Variants in NFIC observed in about 807,000 individuals in gnomAD.
NFIC encodes nuclear factor 1 C-type.
NFIC carries 12 observed loss-of-function variants against 54.4 expected under a neutral mutation model. That is an observed-to-expected ratio of 0.22 (90% CI 0.14 to 0.36). The LOEUF is 0.36. Among genes scored for constraint, NFIC ranks in the 10% least tolerant of loss-of-function variants. The pLI is 1.00. For synonymous variants in NFIC, 322 were observed against 319.2 expected (o/e 1.01, Z -0.09); for missense variants, 575 against 718.2 (o/e 0.80, Z 2.28).
At chr19:3,363,379 C>T (rs1159538269), upstream of NFIC, among the ~76,000 whole-genome samples, 3 of 150,004 alleles carry the variant, frequency 2.0e-5, no homozygotes, top group Non-Finnish European at 4.4e-5. Context: ...TCAAGCGAAC[C>T]TCCAGCCTCA....
At chr19:3,449,623 G>C (rs979070558) in intron 7 of NFIC, among the ~76,000 whole-genome samples, 1 of 151,754 alleles carries the variant, frequency 6.6e-6, no homozygotes, top group Non-Finnish European at 1.5e-5. Flanking sequence ...AGCCAGGCGT[G>C]GTGGCACGCA....
rs2082598746 is a variant in NFIC, at chr19:3,458,877, T to C, written c.1509+2242T>C. On this transcript the variant is annotated intron_variant, in intron 10 of 10. Transcript: ENST00000443272. This position sits in a 1 kb window ranked among gnomAD's most constrained non-coding sequence, Gnocchi z 4.1. Reference sequence around the variant, plus strand: ...TTGTCAAGAGGCTCTCAGGGGAGCATGGGTTAGGGGGAAGGCGAGGTCCCC... The same window carrying C: ...TTGTCAAGAGGCTCTCAGGGGAGCACGGGTTAGGGGGAAGGCGAGGTCCCC... Among the ~76,000 whole-genome samples, 1 of 151,802 alleles carries C rather than the reference T, an allele frequency of 6.6e-6. No individual in the cohort carries two copies. The highest frequency in any genetic ancestry group is 1.9e-4 in the East Asian group (1 of 5,160).
At chr19:3,429,326 C>G (rs1290808702) in intron 3 of NFIC, among the ~76,000 whole-genome samples, 2 of 148,106 alleles carry the variant, frequency 1.4e-5, no homozygotes, top group African/African-American at 2.5e-5. Context: ...TGCCTGTAAT[C>G]CCAGCTACTT....
intron 9 of NFIC, among the ~76,000 whole-genome samples, chr19:3,455,523 G>A (rs2082538886): frequency 6.7e-6 from 1 of 150,372 alleles, no homozygotes; most frequent in African/African-American, 2.5e-5. Context: ...GCAGGATACT[G>A]TGTAGGATCC....
intron 3 of NFIC, among the ~76,000 whole-genome samples, chr19:3,430,634 G>A (rs559837624): frequency 3.3e-5 from 5 of 152,138 alleles, no homozygotes; most frequent in South Asian, 4.2e-4. Flanking sequence ...TGTCTCTGTG[G>A]CTTGGCCTGT....
chr19:3,431,430 G>A (rs904965943), intron 3 of NFIC, among the ~76,000 whole-genome samples: 2 of 134,514 alleles, frequency 1.5e-5, no homozygotes, highest in African/African-American at 5.8e-5. Context: ...GTGCAGTGGT[G>A]CAATCATAGC....
In NFIC at chr19:3,452,388, G is replaced by T; in HGVS notation, c.1085-94G>T. 6.7e-7 allele frequency: 1 copy of T among 1,489,416 alleles called. No homozygotes were observed. The highest frequency in any genetic ancestry group is 9.1e-7 in the Non-Finnish European group (1 of 1,094,538). 92.3% of individuals were successfully genotyped at this position (1,489,416 alleles called of 1,614,324 possible). A position where few individuals can be genotyped will look rare whatever the true frequency, so the allele number is the denominator to read the frequency against. On this transcript the variant is annotated intron_variant, in intron 7 of 10. Transcript: ENST00000443272. The surrounding 1 kb of genome is among the most constrained non-coding windows in gnomAD (Gnocchi z 5.3). The stretch of plus-strand genomic sequence containing the variant: ...TTGTTACTAAACGCACTGAGATGCC[G>T]GCAGGAATGACACCCACAGACACAC...
intron 6 of NFIC, among the ~76,000 whole-genome samples, chr19:3,435,718 C>T (rs2082190394): frequency 1.3e-5 from 2 of 152,082 alleles, no homozygotes; most frequent in South Asian, 2.1e-4. Context: ...GACTCGTCTC[C>T]TTTCTGTAGG....
intron 6 of NFIC, among the ~76,000 whole-genome samples, chr19:3,437,626 A>C (rs1223940662): frequency 1.4e-5 from 2 of 138,230 alleles, no homozygotes; most frequent in African/African-American, 5.5e-5. Flanking sequence ...ACAGAACGAG[A>C]CTATGTCTCA....
chr19:3,423,364 A>G (rs926811305), intron 2 of NFIC, among the ~76,000 whole-genome samples: 3 of 152,140 alleles, frequency 2.0e-5, no homozygotes, highest in Non-Finnish European at 4.4e-5. Flanking sequence ...AAGATGAGAA[A>G]CAGGCTCAGG....
At position 3,453,441 on chromosome 19, in the gene NFIC, G is replaced by A. The variant is rs756299802; in HGVS notation, c.1270-322G>A. On this transcript the variant is annotated intron_variant, in intron 8 of 10. Transcript: ENST00000443272. The surrounding 1 kb of genome is among the most constrained non-coding windows in gnomAD (Gnocchi z 6.7). Reference sequence around the variant, plus strand: ...GCTCGCAGTGAATTAGGAAAAACGCGGAGAACCTGCTGTTAGGAGGCGGTG... The same window carrying A: ...GCTCGCAGTGAATTAGGAAAAACGCAGAGAACCTGCTGTTAGGAGGCGGTG... Among the ~76,000 whole-genome samples, 2 of 152,166 alleles carry A rather than the reference G, an allele frequency of 1.3e-5. No individual in the cohort carries two copies. The highest frequency in any genetic ancestry group is 4.8e-5 in the African/African-American group (2 of 41,442).
Position 3,429,253 on chromosome 19 carries a change from TACACACACAC to T in NFIC, c.634+4109_634+4118del, listed in dbSNP as rs57948823. On this transcript the variant is annotated intron_variant, in intron 3 of 10. Transcript: ENST00000443272. ...CCCCAAAAAAAAAAAAAAAAATATA[TACACACACAC>T]ACACACACACACACACACACACACA... 6.8e-3 allele frequency among the ~76,000 whole-genome samples: 346 copies of T among 50,806 alleles called. 27 individuals carry two copies. Among genetic ancestry groups the T allele is most frequent in the South Asian group, 0.041 (48 of 1,170 alleles). 33.3% of individuals were successfully genotyped at this position (50,806 alleles called of 152,430 possible).
rs1366049946 is a variant in NFIC, at chr19:3,411,409, C to G, written c.563-13697C>G. Among the ~76,000 whole-genome samples the G allele has an allele frequency of 2.8e-5, 4 of 143,090 alleles. No homozygotes were observed. The South Asian group carries it at 8.7e-4, about 31-fold the overall frequency. The allele number at this position is 143,090 out of a possible 152,430, so 93.9% of individuals were successfully genotyped here. ...GTGGCACGATCTCGGTTCACTGCAA[C>G]CTCTGTCTCCCGGGTTCAAGCAATT... On this transcript the variant is annotated intron_variant, in intron 2 of 10. Coordinates refer to ENST00000443272, the MANE Select transcript of NFIC (RefSeq NM_001245002.2).
intron 1 of NFIC, among the ~76,000 whole-genome samples, chr19:3,381,250 C>CG (rs2081201365): frequency 3.3e-5 from 5 of 151,984 alleles, no homozygotes; most frequent in Admixed American, 2.6e-4. Context: ...CAAAAATTAG[C>CG]TGGGCGTGGT....
chr19:3,423,773 G>A (rs1297283536), intron 2 of NFIC, among the ~76,000 whole-genome samples: 3 of 152,114 alleles, frequency 2.0e-5, no homozygotes, highest in African/African-American at 4.8e-5. Flanking sequence ...CAGTGGGGTC[G>A]TCGCCATCAG....
intron 10 of NFIC, 58 bp from the exon 11 acceptor site, chr19:3,462,694 C>G: frequency 6.3e-7 from 1 of 1,583,864 alleles, no homozygotes; most frequent in Non-Finnish European, 8.7e-7. Flanking sequence ...AGAGTCTGAC[C>G]CCTCGACTTC....
rs1319129274 is a variant in NFIC, at chr19:3,413,833, C to T, written c.563-11273C>T. On this transcript the variant is annotated intron_variant, in intron 2 of 10. Transcript: ENST00000443272. ...TGTATTTTTAGTAGAGACAGGGTTT[C>T]GCTATGTTGGCCAGGCTGGTCTCAA... Among the ~76,000 whole-genome samples, 12 of 151,980 alleles carry T rather than the reference C, an allele frequency of 7.9e-5. 1 individual carries two copies. The highest frequency in any genetic ancestry group is 5.9e-4 in the Admixed American group (9 of 15,230).
At chr19:3,366,798 C>A (rs1419800583) in intron 1 of NFIC, 132 bp downstream of exon 1, 2 of 581,314 alleles carry the variant, frequency 3.4e-6, no homozygotes, top group African/African-American at 2.0e-5. Flanking sequence ...GGATGCCCCC[C>A]GCGCCGAGGG....
At position 3,464,584 on chromosome 19, in the gene NFIC, T is replaced by C; in HGVS notation, c.*1815T>C. On this transcript the variant is annotated 3_prime_UTR_variant, in exon 11 of 11. Coordinates refer to ENST00000443272, the MANE Select transcript of NFIC (RefSeq NM_001245002.2). ...CCTAGGGAAAAACTCCCCCCACCACTGCCCCCTCCCCCGACCCAGGCCAAA... is the reference window on the plus strand; with the variant it reads ...CCTAGGGAAAAACTCCCCCCACCACCGCCCCCTCCCCCGACCCAGGCCAAA... 1 of 776,340 alleles carries C rather than the reference T, an allele frequency of 1.3e-6. No homozygotes were observed. The allele number at this position is 776,340 out of a possible 1,614,324, so 48.1% of individuals were successfully genotyped here.
Sources: allele counts gnomAD v4.1 joint callset (sites outside exome capture counted in the v4.1 genomes callset), GRCh38; gene constraint gnomAD v4.1.1; non-coding constraint Gnocchi (gnomAD v3.1); transcripts MANE v1.5; gene names NCBI Gene and HGNC (gene_info 2026-07-23, HGNC 2026-07-21).